ADAMTSL1: variants seen among roughly 807,000 people sequenced by gnomAD.
ADAMTSL1 encodes the protein ADAMTS like 1.
Under a neutral mutation model 201.8 loss-of-function variants are expected in ADAMTSL1, and 126 were observed. The observed-to-expected ratio is 0.62, with a 90% CI of 0.54 to 0.72. ADAMTSL1 has a LOEUF of 0.72. ADAMTSL1 is among the 30% of genes least tolerant of loss of function. ADAMTSL1 has a pLI of 0.00. For synonymous variants in ADAMTSL1, 1,121 were observed against 903.4 expected, an observed-to-expected ratio of 1.24 and a Z score of -4.32; for missense variants, 2,679 against 2,277.8, an observed-to-expected ratio of 1.18 and a Z score of -3.59.
intron 2 of ADAMTSL1, among the ~76,000 whole-genome samples, chr9:18,397,521 G>A (rs773265930): frequency 3.3e-5 from 5 of 152,062 alleles, no homozygotes; most frequent in Non-Finnish European, 5.9e-5. Context: ...CAAAACCACC[G>A]TGTGAAAAGA....
chr9:18,667,690 A>G (rs1352303678), intron 9 of ADAMTSL1, among the ~76,000 whole-genome samples: 1 of 152,164 alleles, frequency 6.6e-6, no homozygotes, highest in Non-Finnish European at 1.5e-5. Flanking sequence ...AATGACTAAG[A>G]TCACGGTTAT....
At chr9:18,228,247 C>T (rs898201911) in intron 2 of ADAMTSL1, among the ~76,000 whole-genome samples, 6 of 152,068 alleles carry the variant, frequency 3.9e-5, no homozygotes, top group Admixed American at 1.3e-4. Context: ...ATAGTTCCTG[C>T]GTGGTTTGGA....
chr9:18,287,574 TAA>T (rs1171098534), intron 2 of ADAMTSL1, among the ~76,000 whole-genome samples: 1 of 148,934 alleles, frequency 6.7e-6, no homozygotes, highest in Non-Finnish European at 1.5e-5. Context: ...TACATATATG[TAA>T]ATATATGTGT....
chr9:18,320,105 A>G (rs1834560979), intron 2 of ADAMTSL1, among the ~76,000 whole-genome samples: 1 of 151,922 alleles, frequency 6.6e-6, no homozygotes, highest in Non-Finnish European at 1.5e-5. Flanking sequence ...AATGCAAGGG[A>G]CTGATTTTTG....
At chr9:18,143,079 G>A (rs34580733) in intron 1 of ADAMTSL1, among the ~76,000 whole-genome samples, 22,517 of 152,148 alleles carry the variant, frequency 0.15, 1,906 homozygotes, top group East Asian at 0.24. Context: ...TAACAGGGCA[G>A]CATTGAGCCT....
At chr9:18,546,955 G>C (rs1820505539) in intron 3 of ADAMTSL1, among the ~76,000 whole-genome samples, 1 of 152,024 alleles carries the variant, frequency 6.6e-6, no homozygotes, top group Admixed American at 6.6e-5. Context: ...TATCTCATAA[G>C]GTCTTCTAAA....
intron 2 of ADAMTSL1, among the ~76,000 whole-genome samples, chr9:18,238,109 C>T (rs139173394): frequency 6.6e-6 from 1 of 152,284 alleles, no homozygotes; most frequent in African/African-American, 2.4e-5. Context: ...GACTTAGATT[C>T]AGAGGTCTGG....
At chr9:18,456,369 A>G (rs1820603278) in intron 2 of ADAMTSL1, among the ~76,000 whole-genome samples, 1 of 152,148 alleles carries the variant, frequency 6.6e-6, no homozygotes, top group Non-Finnish European at 1.5e-5. Context: ...CTGAGCTAAC[A>G]CATTGCTGCA....
chr9:18,239,771 G>C (rs973371829), intron 2 of ADAMTSL1, among the ~76,000 whole-genome samples: 11 of 151,054 alleles, frequency 7.3e-5, no homozygotes, highest in African/African-American at 2.7e-4. Context: ...AAGAAGGAAA[G>C]AAGAAAGGAA....
chr9:18,824,690 C>CTTTTTTTTTTTTTT (rs34551511), intron 21 of ADAMTSL1, among the ~76,000 whole-genome samples: 1 of 75,706 alleles, frequency 1.3e-5, no homozygotes, highest in Non-Finnish European at 2.2e-5. Context: ...GGACTTGACC[C>CTTTTTTTTTTTTTT]TTTTTTTTTT....
chr9:18,838,804 G>A (rs2131305276), intron 23 of ADAMTSL1, among the ~76,000 whole-genome samples: 1 of 151,704 alleles, frequency 6.6e-6, no homozygotes, highest in African/African-American at 2.4e-5. Flanking sequence ...CTGCAAGTGA[G>A]CTATAATCTG....
At chr9:17,910,387 T>C (rs1439523896) in intron 1 of ADAMTSL1, among the ~76,000 whole-genome samples, 1 of 69,078 alleles carries the variant, frequency 1.4e-5, no homozygotes, top group African/African-American at 2.9e-5. Context: ...TTTTTATGCT[T>C]TCCCACTGCC....
chr9:18,713,349 A>G (rs1209952085), intron 14 of ADAMTSL1, among the ~76,000 whole-genome samples: 1 of 152,216 alleles, frequency 6.6e-6, no homozygotes, highest in African/African-American at 2.4e-5. Flanking sequence ...AGTATTCAGG[A>G]AACCCATCTC....
intron 1 of ADAMTSL1, among the ~76,000 whole-genome samples, chr9:17,988,228 A>T (rs545752261): frequency 7.9e-5 from 12 of 152,176 alleles, no homozygotes; most frequent in African/African-American, 2.6e-4. Flanking sequence ...AATAAGAAAT[A>T]TTGACTAAAT....
intron 2 of ADAMTSL1, among the ~76,000 whole-genome samples, chr9:18,457,801 A>C (rs1820663533): frequency 6.6e-6 from 1 of 152,220 alleles, no homozygotes; most frequent in African/African-American, 2.4e-5. Context: ...GGATGCAAAA[A>C]GAATTCCTAA....
intron 2 of ADAMTSL1, among the ~76,000 whole-genome samples, chr9:18,199,342 T>C (rs1829332545): frequency 6.6e-6 from 1 of 152,070 alleles, no homozygotes; most frequent in Admixed American, 6.6e-5. Context: ...CAGGTCAGTG[T>C]GTATTTTGAA....
intron 1 of ADAMTSL1, among the ~76,000 whole-genome samples, chr9:18,106,854 G>A (rs576027765): frequency 6.6e-6 from 1 of 152,224 alleles, no homozygotes; most frequent in African/African-American, 2.4e-5. Flanking sequence ...GATAAGAATG[G>A]GCCTGAGTGT....
At chr9:18,570,811 G>A (rs188537871) in intron 3 of ADAMTSL1, among the ~76,000 whole-genome samples, 2 of 152,292 alleles carry the variant, frequency 1.3e-5, no homozygotes, top group African/African-American at 2.4e-5. Context: ...TGGGTGGAAG[G>A]AAAGACAGTA....
At chr9:18,073,756 C>CTCCAACTTTT (rs1823070066) in intron 1 of ADAMTSL1, among the ~76,000 whole-genome samples, 1 of 152,170 alleles carries the variant, frequency 6.6e-6, no homozygotes, top group Non-Finnish European at 1.5e-5. Flanking sequence ...TTAAAAATAA[C>CTCCAACTTTT]AGATTCCAAC....
Sources: gnomAD v4.1 joint callset for allele counts (sites outside exome capture counted in the v4.1 genomes callset) on GRCh38, gnomAD v4.1.1 for gene constraint, MANE v1.5 for transcripts, NCBI Gene and HGNC (gene_info 2026-07-23, HGNC 2026-07-21) for gene names.